LMTK2: variants seen among roughly 807,000 people sequenced by gnomAD.
LMTK2 encodes serine/threonine-protein kinase LMTK2.
LMTK2 carries 37 observed loss-of-function variants against 127.5 expected under a neutral mutation model. That is an observed-to-expected ratio of 0.29 (90% CI 0.22 to 0.38). LMTK2 has a LOEUF of 0.38. LMTK2 is among the 10% of genes least tolerant of loss of function. The pLI, the probability that LMTK2 is intolerant of heterozygous loss-of-function variation, is 1.00. For missense variants in LMTK2, 1,694 were observed against 1,920.3 expected, an observed-to-expected ratio of 0.88 and a Z score of 2.20; for synonymous variants, 819 against 810.1, an observed-to-expected ratio of 1.01 and a Z score of -0.19.
chr7:98,164,639 G>A (rs1010525853), intron 6 of LMTK2, among the ~76,000 whole-genome samples: 6 of 152,184 alleles, frequency 3.9e-5, no homozygotes, highest in African/African-American at 7.2e-5. Flanking sequence ...AAGTACGGGA[G>A]TCCTAACCAG....
At chr7:98,118,975 C>G (rs1443127962) in intron 1 of LMTK2, among the ~76,000 whole-genome samples, 2 of 151,978 alleles carry the variant, frequency 1.3e-5, no homozygotes, top group Non-Finnish European at 2.9e-5. Flanking sequence ...GCCTGTAGTC[C>G]CAGCTACTCA....
Position 98,206,424 on chromosome 7 carries a change from G to A in LMTK2, c.*932G>A, listed in dbSNP as rs1797797765. On this transcript the variant is annotated 3_prime_UTR_variant, in exon 14 of 14. Transcript: ENST00000297293. ...AAGCCCTTTTGGTAAAAACCAACAGGTTGTGGCCGCAGACCTCAGATGGAC... is the reference window on the plus strand; with the variant it reads ...AAGCCCTTTTGGTAAAAACCAACAGATTGTGGCCGCAGACCTCAGATGGAC... 1 of 152,216 alleles carries A rather than the reference G, an allele frequency of 6.6e-6. No homozygotes were observed. The highest frequency in any genetic ancestry group is 1.5e-5 in the Non-Finnish European group (1 of 68,052). 9.4% of individuals were successfully genotyped at this position (152,216 alleles called of 1,614,324 possible). A position where few individuals can be genotyped will look rare whatever the true frequency, so the allele number is the denominator to read the frequency against.
Position 98,192,017 on chromosome 7 carries a change from G to A in LMTK2, c.1552G>A (p.Gly518Arg), listed in dbSNP as rs748223659. 6.2e-7 allele frequency: 1 copy of A among 1,608,410 alleles called. No homozygotes were observed. Among genetic ancestry groups the A allele is most frequent in the Non-Finnish European group, 8.5e-7 (1 of 1,175,398 alleles). ...TTTTGAGAGTTCGCTTTCAGATCCT[G>A]GGCCCGGAAAGCAAGATGACAGCGG... is the stretch of plus-strand genomic sequence containing the variant. ...EVFESSLSDPGPGKQDDSGQD... is the reference protein window; with the variant it reads ...EVFESSLSDPRPGKQDDSGQD... The change falls in exon 11 of 14, where the codon GGG becomes AGG. Residue 518 changes from glycine (G) to arginine (R), a missense_variant. Gly to Arg is a moderately radical substitution (Grantham distance 125). Transcript: ENST00000297293.
In LMTK2 at chr7:98,171,630, C is replaced by T. The variant is rs76118868; in HGVS notation, c.747C>T (p.Val249=). The change falls in exon 7 of 14, where the codon GTC becomes GTT. Residue 249 remains valine, a synonymous_variant. Coordinates refer to ENST00000297293, the MANE Select transcript of LMTK2 (RefSeq NM_014916.4). The surrounding 1 kb of genome is among the most constrained non-coding windows in gnomAD (Gnocchi z 5.1). ...TMLLQRMACE[V]AAGLAAMHKL... ...TGCTGCAGAGGATGGCGTGCGAGGT[C>T]GCCGCGGGGCTGGCCGCCATGCACA... 465 of 1,608,116 alleles carry T rather than the reference C, an allele frequency of 2.9e-4. 1 individual carries two copies. The African/African-American group carries it at 5.3e-3, about 18-fold the overall frequency.
At chr7:98,175,058 A>G (rs1797255609) in intron 7 of LMTK2, among the ~76,000 whole-genome samples, 1 of 152,134 alleles carries the variant, frequency 6.6e-6, no homozygotes, top group Non-Finnish European at 1.5e-5. Context: ...GTTACAGAGG[A>G]GAATACTGAG....
intron 6 of LMTK2, among the ~76,000 whole-genome samples, chr7:98,169,807 A>G (rs962712837): frequency 1.4e-5 from 2 of 146,646 alleles, no homozygotes; most frequent in Non-Finnish European, 3.0e-5. Flanking sequence ...TTTTTACAAG[A>G]AAAAAAAAAA....
chr7:98,174,654 G>A (rs908428443), intron 7 of LMTK2, among the ~76,000 whole-genome samples: 2 of 152,212 alleles, frequency 1.3e-5, no homozygotes, highest in African/African-American at 4.8e-5. Context: ...AGACCTGGAG[G>A]GGGTAGCCTT....
chr7:98,203,017 C>T (rs182499993), intron 11 of LMTK2, among the ~76,000 whole-genome samples: 4 of 152,308 alleles, frequency 2.6e-5, no homozygotes, highest in Admixed American at 2.6e-4. Context: ...TCACAGTCCT[C>T]CAGTGGAGAG....
At chr7:98,122,927 T>G (rs756805472) in intron 1 of LMTK2, among the ~76,000 whole-genome samples, 2 of 152,110 alleles carry the variant, frequency 1.3e-5, no homozygotes, top group Non-Finnish European at 2.9e-5. Flanking sequence ...TGTTTCTTTG[T>G]CCCCTCCCTT....
intron 11 of LMTK2, among the ~76,000 whole-genome samples, chr7:98,202,292 C>T (rs1247242370): frequency 6.6e-6 from 1 of 152,172 alleles, no homozygotes; most frequent in African/African-American, 2.4e-5. Context: ...TTCTTCTTAT[C>T]ATCTGTTCCT....
At position 98,192,355 on chromosome 7, in the gene LMTK2, C is replaced by A; in HGVS notation, c.1890C>A (p.Ser630Arg). The A allele has an allele frequency of 6.3e-7, 1 of 1,589,484 alleles. No individual in the cohort carries two copies. The highest frequency in any genetic ancestry group is 1.2e-5 in the South Asian group (1 of 85,576). ...GDLHVTSGPE[S>R]PFNNIFNDVD... ...TACACGTGACCAGTGGCCCCGAGAG[C>A]CCTTTCAACAATATATTTAATGATG... Residue 630 changes from serine to arginine, a missense_variant, in exon 11 of 14, where the codon AGC (serine) becomes AGA (arginine). Coordinates refer to ENST00000297293, the MANE Select transcript of LMTK2 (RefSeq NM_014916.4).
At chr7:98,159,020 T>C (rs1796973583) in intron 5 of LMTK2, among the ~76,000 whole-genome samples, 1 of 152,174 alleles carries the variant, frequency 6.6e-6, no homozygotes, top group Non-Finnish European at 1.5e-5. Context: ...ATTGCACCAC[T>C]GCACTCCAGC....
chr7:98,123,163 C>T (rs748404476), intron 1 of LMTK2, among the ~76,000 whole-genome samples: 45 of 152,318 alleles, frequency 3.0e-4, no homozygotes, highest in Admixed American at 1.3e-3. Flanking sequence ...ACATTGTGGG[C>T]TAATGTGCTT....
chr7:98,109,034 G>A (rs1796159497), intron 1 of LMTK2, among the ~76,000 whole-genome samples: 1 of 151,746 alleles, frequency 6.6e-6, no homozygotes, highest in South Asian at 2.1e-4. Context: ...GCTAATTTTT[G>A]TATTTTTAGT....
intron 11 of LMTK2, among the ~76,000 whole-genome samples, chr7:98,202,143 G>T (rs983993100): frequency 5.3e-5 from 8 of 151,786 alleles, no homozygotes; most frequent in Non-Finnish European, 1.2e-4. Context: ...CTCTTGTTTG[G>T]ATTGGGTGAT....
At position 98,193,759 on chromosome 7, in the gene LMTK2, T is replaced by C; in HGVS notation, c.3294T>C (p.Gly1098=). 6.2e-7 allele frequency: 1 copy of C among 1,613,502 alleles called. No individual in the cohort carries two copies. Among genetic ancestry groups the C allele is most frequent in the Non-Finnish European group, 8.5e-7 (1 of 1,179,896 alleles). ...TPETFTAGSQ[G]SYRDSAYFSD... is the part of the protein sequence containing the mutation. Reference sequence around the variant, plus strand: ...AGACGTTCACAGCTGGCTCCCAGGGTTCATACCGAGACTCTGCGTACTTCT... The same window carrying C: ...AGACGTTCACAGCTGGCTCCCAGGGCTCATACCGAGACTCTGCGTACTTCT... Residue 1098 remains glycine (G), a synonymous_variant, in exon 11 of 14, where the codon GGT becomes GGC. Coordinates refer to ENST00000297293, the MANE Select transcript of LMTK2 (RefSeq NM_014916.4). The surrounding 1 kb of genome is among the most constrained non-coding windows in gnomAD (Gnocchi z 4.1).
At chr7:98,161,205 C>T (rs771736973) in intron 6 of LMTK2, among the ~76,000 whole-genome samples, 7 of 152,004 alleles carry the variant, frequency 4.6e-5, no homozygotes, top group Admixed American at 1.3e-4. Flanking sequence ...CAATTTTCCC[C>T]ATCTACAAGT....
intron 1 of LMTK2, among the ~76,000 whole-genome samples, chr7:98,121,929 T>G (rs1452442960): frequency 6.6e-6 from 1 of 151,906 alleles, no homozygotes; most frequent in African/African-American, 2.4e-5. Context: ...CACTTGAGCC[T>G]GAGAGGTCTA....
chr7:98,197,876 A>G (rs144717619), intron 11 of LMTK2, among the ~76,000 whole-genome samples: 1 of 152,118 alleles, frequency 6.6e-6, no homozygotes, highest in African/African-American at 2.4e-5. Flanking sequence ...AGGAATAAAC[A>G]TTCAGGGCTC....
Sources: allele counts gnomAD v4.1 joint callset (sites outside exome capture counted in the v4.1 genomes callset), GRCh38; gene constraint gnomAD v4.1.1; non-coding constraint Gnocchi (gnomAD v3.1); transcripts MANE v1.5; gene names NCBI Gene and HGNC (gene_info 2026-07-23, HGNC 2026-07-21).